Variants in GPR39 observed in about 807,000 individuals in gnomAD.
GPR39 encodes zinc sensing receptor.
GPR39 carries 23 observed loss-of-function variants against 18.4 expected under a neutral mutation model. The observed-to-expected ratio is 1.25, with a 90% CI of 0.90 to 1.77. GPR39 has a LOEUF of 1.77. Ranked by LOEUF, GPR39 falls within the 40% of genes most tolerant of loss-of-function variation. The pLI, the probability that GPR39 is intolerant of heterozygous loss-of-function variation, is 0.00. For missense variants in GPR39, 647 were observed against 602.4 expected (o/e 1.07, Z -0.78); for synonymous variants, 280 against 257.9 (o/e 1.09, Z -0.82).
At chr2:132,569,439 T>A (rs375516286) in intron 1 of GPR39, among the ~76,000 whole-genome samples, 5 of 152,004 alleles carry the variant, frequency 3.3e-5, no homozygotes, top group South Asian at 2.1e-4. Flanking sequence ...CTGCTACTGG[T>A]CGTGCAAAGG....
chr2:132,643,625 C>T (rs548355977), intron 1 of GPR39, among the ~76,000 whole-genome samples: 43 of 152,196 alleles, frequency 2.8e-4, no homozygotes, highest in Non-Finnish European at 5.0e-4. Context: ...GTGATCCTCC[C>T]GCCTCAGCCC....
At chr2:132,625,471 GCAC>G (rs1338597361) in intron 1 of GPR39, among the ~76,000 whole-genome samples, 1 of 152,146 alleles carries the variant, frequency 6.6e-6, no homozygotes, top group Non-Finnish European at 1.5e-5. Flanking sequence ...CCATAAACCA[GCAC>G]CACTAGACAG....
chr2:132,587,031 G>A (rs1680742346), intron 1 of GPR39, among the ~76,000 whole-genome samples: 1 of 152,188 alleles, frequency 6.6e-6, no homozygotes, highest in Non-Finnish European at 1.5e-5. Flanking sequence ...CTGGTTTTCT[G>A]CTTGTCAGCA....
At chr2:132,572,593 G>T (rs1680461018) in intron 1 of GPR39, among the ~76,000 whole-genome samples, 1 of 151,614 alleles carries the variant, frequency 6.6e-6, no homozygotes, top group African/African-American at 2.4e-5. Flanking sequence ...GGAGGCATTT[G>T]TTGAATCATG....
At chr2:132,635,841 G>T (rs972071115) in intron 1 of GPR39, among the ~76,000 whole-genome samples, 1 of 152,132 alleles carries the variant, frequency 6.6e-6, no homozygotes, top group Non-Finnish European at 1.5e-5. Flanking sequence ...GAACATAAAA[G>T]AAGAGGAAGA....
rs765568749 is a variant in GPR39, at chr2:132,417,899, G to A, written c.856+1G>A. 1.3e-6 allele frequency: 2 copies of A among 1,579,536 alleles called. No homozygotes were observed. The highest frequency in any genetic ancestry group is 1.7e-5 in the Admixed American group (1 of 59,104). On this transcript the variant is annotated splice_donor_variant, in intron 1 of 1. Coordinates refer to ENST00000329321, the MANE Select transcript of GPR39 (RefSeq NM_001508.3). LOFTEE classifies it high-confidence loss of function. ...AGGAGGCAGACCATCATCTTCCTGA[G>A]TGAGTCCTAAGTCGGGGGCAACACG...
At chr2:132,433,204 TTACA>T (rs1474135815) in intron 1 of GPR39, among the ~76,000 whole-genome samples, 4 of 152,286 alleles carry the variant, frequency 2.6e-5, no homozygotes, top group South Asian at 2.1e-4. Flanking sequence ...TTATCAAAAC[TTACA>T]TACACACAAA....
At chr2:132,465,374 G>A (rs1680909856) in intron 1 of GPR39, among the ~76,000 whole-genome samples, 1 of 152,208 alleles carries the variant, frequency 6.6e-6, no homozygotes. Context: ...AACTACAGTG[G>A]AGGGAAAGTT....
chr2:132,573,104 G>T (rs1191781488), intron 1 of GPR39, among the ~76,000 whole-genome samples: 1 of 152,214 alleles, frequency 6.6e-6, no homozygotes, highest in Non-Finnish European at 1.5e-5. Context: ...CATGGGTAAG[G>T]CTGATGCTGA....
At chr2:132,493,367 CTATA>C (rs545957672) in intron 1 of GPR39, among the ~76,000 whole-genome samples, 2 of 143,388 alleles carry the variant, frequency 1.4e-5, no homozygotes, top group Middle Eastern at 3.9e-3. Context: ...CATATATACA[CTATA>C]TATATACACA....
intron 1 of GPR39, among the ~76,000 whole-genome samples, chr2:132,566,931 C>T (rs980008149): frequency 5.3e-5 from 8 of 152,196 alleles, no homozygotes; most frequent in Non-Finnish European, 8.8e-5. Flanking sequence ...ATGGCCTTCC[C>T]GGGAGCCTTC....
At position 132,486,192 on chromosome 2, in the gene GPR39, A is replaced by G. The variant is rs547359571; in HGVS notation, c.856+68294A>G. Among the ~76,000 whole-genome samples, 8 of 152,290 alleles carry G rather than the reference A, an allele frequency of 5.3e-5. No individual in the cohort carries two copies. The South Asian group carries it at 6.2e-4, about 12-fold the overall frequency. On this transcript the variant is annotated intron_variant, in intron 1 of 1. Coordinates refer to ENST00000329321, the MANE Select transcript of GPR39 (RefSeq NM_001508.3). The stretch of plus-strand genomic sequence containing the variant: ...ACAGTGGGCTTAAAATATTTAGTAA[A>G]CCATGCTATAAACAGATGTGCTGCC...
intron 1 of GPR39, among the ~76,000 whole-genome samples, chr2:132,474,597 G>A (rs13423283): frequency 0.12 from 18,422 of 152,152 alleles, 3,724 homozygotes; most frequent in African/African-American, 0.42. Flanking sequence ...ATTTTTGATT[G>A]TACAAATCAA....
chr2:132,630,983 G>T (rs889681002), intron 1 of GPR39, among the ~76,000 whole-genome samples: 37 of 152,266 alleles, frequency 2.4e-4, no homozygotes, highest in African/African-American at 8.7e-4. Context: ...GTAGTTGGCT[G>T]CAGGGTTCTG....
At chr2:132,589,516 T>C (rs972318371) in intron 1 of GPR39, among the ~76,000 whole-genome samples, 2 of 152,206 alleles carry the variant, frequency 1.3e-5, no homozygotes, top group African/African-American at 4.8e-5. Context: ...TATGCTCCTC[T>C]TTGAGTTCCA....
chr2:132,470,761 G>T (rs538018540), intron 1 of GPR39, among the ~76,000 whole-genome samples: 26 of 148,976 alleles, frequency 1.7e-4, no homozygotes, highest in African/African-American at 6.0e-4. Context: ...GCACGGAAAG[G>T]CTTCCTGGGT....
chr2:132,608,915 C>G (rs1681189579), intron 1 of GPR39, among the ~76,000 whole-genome samples: 2 of 152,178 alleles, frequency 1.3e-5, no homozygotes, highest in African/African-American at 4.8e-5. Context: ...CATGATTGAT[C>G]TCTCAGCAGT....
intron 1 of GPR39, among the ~76,000 whole-genome samples, chr2:132,464,176 C>T (rs568584686): frequency 6.6e-6 from 1 of 152,232 alleles, no homozygotes; most frequent in Non-Finnish European, 1.5e-5. Context: ...AGAAGTATCA[C>T]ATGAGCTTAT....
intron 1 of GPR39, among the ~76,000 whole-genome samples, chr2:132,504,502 G>A (rs917699737): frequency 1.3e-5 from 2 of 152,118 alleles, no homozygotes; most frequent in African/African-American, 4.8e-5. Context: ...AGTTCTCAGA[G>A]AGAACATATA....
Sources: allele counts gnomAD v4.1 joint callset (sites outside exome capture counted in the v4.1 genomes callset), GRCh38; gene constraint gnomAD v4.1.1; transcripts MANE v1.5; gene names NCBI Gene and HGNC (gene_info 2026-07-23, HGNC 2026-07-21).